The following JAZF1 variants were observed in gnomAD, a reference collection of about 807,000 sequenced individuals.
JAZF1 encodes juxtaposed with another zinc finger protein 1.
JAZF1 carries 8 observed loss-of-function variants against 26.4 expected under a neutral mutation model. The ratio of observed to expected loss-of-function variants is 0.30; its 90% CI spans 0.18 to 0.55. JAZF1 has a LOEUF of 0.55. JAZF1 is among the 20% of genes least tolerant of loss of function. The pLI is 0.94. For synonymous variants in JAZF1, 126 were observed against 122.3 expected (o/e 1.03, Z -0.20); for missense variants, 199 against 322.0 (o/e 0.62, Z 2.92).
chr7:27,917,717 C>T (rs1052159960), intron 2 of JAZF1, among the ~76,000 whole-genome samples: 4 of 152,164 alleles, frequency 2.6e-5, no homozygotes, highest in African/African-American at 9.7e-5. Flanking sequence ...GCAAAGAAGG[C>T]TAGCAACATG....
intron 4 of JAZF1, among the ~76,000 whole-genome samples, chr7:27,835,650 C>T (rs1022857259): frequency 1.7e-4 from 26 of 152,278 alleles, no homozygotes; most frequent in African/African-American, 6.0e-4. Context: ...TTGCCCTTAT[C>T]GCAAATGTTA....
intron 1 of JAZF1, among the ~76,000 whole-genome samples, chr7:28,028,380 A>G (rs970500354): frequency 3.3e-5 from 5 of 152,228 alleles, no homozygotes; most frequent in Non-Finnish European, 7.3e-5. Flanking sequence ...TGCTGTTGCT[A>G]TTTCCAAAAA....
At chr7:27,881,185 A>T (rs901344441) in intron 3 of JAZF1, among the ~76,000 whole-genome samples, 2 of 152,006 alleles carry the variant, frequency 1.3e-5, no homozygotes, top group Admixed American at 6.6e-5. Context: ...TCTCCCGGGG[A>T]GGGGGCATGG....
At chr7:27,854,531 G>A (rs1783209345) in intron 3 of JAZF1, among the ~76,000 whole-genome samples, 1 of 152,126 alleles carries the variant, frequency 6.6e-6, no homozygotes, top group Non-Finnish European at 1.5e-5. Flanking sequence ...TGTATTTAGT[G>A]CTTCCTTCAA....
At chr7:27,833,163 TCA>T (rs1168164902) in intron 4 of JAZF1, 187 bp from the exon 5 acceptor site, 2 of 383,004 alleles carry the variant, frequency 5.2e-6, no homozygotes, top group Non-Finnish European at 9.3e-6. Flanking sequence ...GTACGGATGG[TCA>T]CACACACAGC....
intron 3 of JAZF1, chr7:27,846,386 T>TAC (rs1783031561): frequency 1.2e-5 from 3 of 254,100 alleles, no homozygotes; most frequent in Non-Finnish European, 2.7e-5. Context: ...CATGTACGTA[T>TAC]ATATACATAT....
chr7:28,028,678 C>T (rs1158009240), intron 1 of JAZF1, among the ~76,000 whole-genome samples: 4 of 152,202 alleles, frequency 2.6e-5, no homozygotes, highest in Non-Finnish European at 4.4e-5. Flanking sequence ...GGAATGTCTC[C>T]TTTGCCTCAA....
intron 1 of JAZF1, among the ~76,000 whole-genome samples, chr7:28,066,173 TA>T (rs1347012989): frequency 6.6e-6 from 1 of 152,158 alleles, no homozygotes; most frequent in Non-Finnish European, 1.5e-5. Context: ...CACTGAATTC[TA>T]ACAATTACAG....
chr7:28,109,714 T>C (rs1004646876), intron 1 of JAZF1, among the ~76,000 whole-genome samples: 17 of 152,310 alleles, frequency 1.1e-4, no homozygotes, highest in Middle Eastern at 6.8e-3. Context: ...ACTCTGTCAA[T>C]AGGCTGCTAA....
chr7:28,090,147 C>A (rs1178683641), intron 1 of JAZF1, among the ~76,000 whole-genome samples: 4 of 152,216 alleles, frequency 2.6e-5, no homozygotes, highest in African/African-American at 4.8e-5. Context: ...TTAAACCACA[C>A]TTTCCTCAAC....
chr7:27,978,009 A>T (rs371571576), intron 2 of JAZF1, among the ~76,000 whole-genome samples: 3 of 152,208 alleles, frequency 2.0e-5, no homozygotes, highest in African/African-American at 7.2e-5. Flanking sequence ...TCATGATGGA[A>T]ATTTAATTAT....
chr7:28,169,485 T>C (rs1359658712), intron 1 of JAZF1, among the ~76,000 whole-genome samples: 1 of 152,226 alleles, frequency 6.6e-6, no homozygotes, highest in African/African-American at 2.4e-5. Context: ...GCAAAACACC[T>C]GTGTGACACT....
chr7:28,076,467 T>A (rs558579167), intron 1 of JAZF1, among the ~76,000 whole-genome samples: 1 of 152,140 alleles, frequency 6.6e-6, no homozygotes, highest in South Asian at 2.1e-4. Flanking sequence ...AGAAAAAAGG[T>A]CAATACTCAA....
intron 2 of JAZF1, among the ~76,000 whole-genome samples, chr7:27,905,960 AGT>A (rs1784248868): frequency 1.3e-5 from 2 of 152,216 alleles, no homozygotes; most frequent in Non-Finnish European, 2.9e-5. Flanking sequence ...ACATATATAT[AGT>A]ATTATTTATA....
intron 3 of JAZF1, among the ~76,000 whole-genome samples, chr7:27,868,440 CT>C (rs1330807209): frequency 6.6e-6 from 1 of 152,222 alleles, no homozygotes; most frequent in African/African-American, 2.4e-5. Context: ...TCCTCCGCCC[CT>C]GCATGGGCCG....
intron 1 of JAZF1, among the ~76,000 whole-genome samples, chr7:28,157,512 T>C (rs1783206388): frequency 6.6e-6 from 1 of 152,188 alleles, no homozygotes; most frequent in South Asian, 2.1e-4. Flanking sequence ...TTTCCAACCA[T>C]TTAAAAATGT....
chr7:28,168,380 C>CAAAAAAAAAAAAA (rs11301939), intron 1 of JAZF1, among the ~76,000 whole-genome samples: 1 of 71,142 alleles, frequency 1.4e-5, no homozygotes, highest in Non-Finnish European at 2.6e-5. Flanking sequence ...GACTCCGTCT[C>CAAAAAAAAAAAAA]AAAAAAAAAA....
intron 2 of JAZF1, among the ~76,000 whole-genome samples, chr7:27,971,800 T>C (rs1209684079): frequency 6.6e-6 from 1 of 152,208 alleles, no homozygotes; most frequent in Non-Finnish European, 1.5e-5. Flanking sequence ...AGGTCATCTC[T>C]TGTGTTTAAT....
chr7:28,112,234 T>A (rs1430267274), intron 1 of JAZF1, among the ~76,000 whole-genome samples: 1 of 152,082 alleles, frequency 6.6e-6, no homozygotes, highest in Non-Finnish European at 1.5e-5. Flanking sequence ...AAACCAAAAG[T>A]TAGTGGAGGT....
Sources: allele counts gnomAD v4.1 joint callset (sites outside exome capture counted in the v4.1 genomes callset), GRCh38; gene constraint gnomAD v4.1.1; transcripts MANE v1.5; gene names NCBI Gene and HGNC (gene_info 2026-07-23, HGNC 2026-07-21).